Variants in HAPLN1 observed in about 807,000 individuals in gnomAD.
The protein encoded by HAPLN1 is hyaluronan and proteoglycan link protein 1, also known as Cartilage link protein.
Under a neutral mutation model 36.5 loss-of-function variants are expected in HAPLN1, and 13 were observed. The ratio of observed to expected loss-of-function variants is 0.36; its 90% CI spans 0.23 to 0.57. The LOEUF is 0.57. Among genes scored for constraint, HAPLN1 ranks in the 20% least tolerant of loss-of-function variants. The pLI is 0.83. For synonymous variants in HAPLN1, 202 were observed against 169.8 expected (o/e 1.19, Z -1.48); for missense variants, 407 against 439.7 (o/e 0.93, Z 0.66).
chr5:83,695,877 C>T (rs928847790), intron 1 of HAPLN1, among the ~76,000 whole-genome samples: 5 of 151,708 alleles, frequency 3.3e-5, no homozygotes, highest in East Asian at 1.9e-4. Flanking sequence ...CAAGCATTTA[C>T]GTTTTTACCA....
intron 2 of HAPLN1, among the ~76,000 whole-genome samples, chr5:83,667,658 C>G (rs1213006875): frequency 6.6e-6 from 1 of 152,044 alleles, no homozygotes; most frequent in East Asian, 1.9e-4. Flanking sequence ...AAAATTAAGA[C>G]AGAGTAACAT....
intron 2 of HAPLN1, among the ~76,000 whole-genome samples, chr5:83,663,246 G>T (rs1750460115): frequency 6.6e-6 from 1 of 152,140 alleles, no homozygotes; most frequent in African/African-American, 2.4e-5. Context: ...TTCAACAGAG[G>T]CTAGAAATAC....
At chr5:83,657,183 C>T (rs1186668458) in intron 2 of HAPLN1, among the ~76,000 whole-genome samples, 2 of 151,846 alleles carry the variant, frequency 1.3e-5, no homozygotes, top group Non-Finnish European at 2.9e-5. Flanking sequence ...GCAACCACTG[C>T]CTCCCGGGTT....
At chr5:83,680,152 C>T (rs1361658717) in intron 1 of HAPLN1, among the ~76,000 whole-genome samples, 2 of 152,190 alleles carry the variant, frequency 1.3e-5, no homozygotes, top group Non-Finnish European at 2.9e-5. Context: ...GCTCAGGCTG[C>T]TCACTGGCCC....
At chr5:83,687,590 A>G (rs1419664067) in intron 1 of HAPLN1, among the ~76,000 whole-genome samples, 2 of 152,220 alleles carry the variant, frequency 1.3e-5, no homozygotes, top group African/African-American at 2.4e-5. Context: ...ATGTGATGAG[A>G]TACTCAACTT....
At chr5:83,700,670 A>G (rs1162669725) in intron 1 of HAPLN1, among the ~76,000 whole-genome samples, 1 of 136,622 alleles carries the variant, frequency 7.3e-6, no homozygotes, top group South Asian at 2.3e-4. Context: ...TTTTACTTTT[A>G]GGCAGCTAAT....
At chr5:83,677,244 A>G (rs1750881283) in intron 1 of HAPLN1, among the ~76,000 whole-genome samples, 1 of 152,120 alleles carries the variant, frequency 6.6e-6, no homozygotes, top group Non-Finnish European at 1.5e-5. Context: ...CTAGAAGTGG[A>G]GTCTTAGGGT....
intron 2 of HAPLN1, among the ~76,000 whole-genome samples, chr5:83,661,874 T>C (rs1385245354): frequency 6.6e-6 from 1 of 152,218 alleles, no homozygotes; most frequent in African/African-American, 2.4e-5. Flanking sequence ...ATGCAAAAGA[T>C]GCCATGAAAA....
At chr5:83,679,583 C>T (rs1750948963) in intron 1 of HAPLN1, among the ~76,000 whole-genome samples, 1 of 152,056 alleles carries the variant, frequency 6.6e-6, no homozygotes, top group Non-Finnish European at 1.5e-5. Context: ...ATATTTATTA[C>T]ATTATATGAT....
At position 83,718,298 on chromosome 5, in the gene HAPLN1, A is replaced by C. The variant is rs139200203; in HGVS notation, c.-27+2491T>G. The stretch of plus-strand genomic sequence containing the variant: ...AGTTTCTACCCTGAGCACCTATCCC[A>C]ATGTCTGGCGTGTAGTTAATGTTCA... On this transcript the variant is annotated intron_variant, in intron 1 of 4. Coordinates refer to ENST00000274341, the MANE Select transcript of HAPLN1 (RefSeq NM_001884.4). 5.7e-3 allele frequency among the ~76,000 whole-genome samples: 862 copies of C among 152,278 alleles called. 13 individuals are homozygous for C. Among genetic ancestry groups the C allele is most frequent in the African/African-American group, 0.02 (818 of 41,552 alleles).
In HAPLN1 at chr5:83,639,182, C is replaced by T. The variant is rs976507790; in HGVS notation, c.*2314G>A. The T allele has an allele frequency of 1.3e-5, 2 of 152,010 alleles. No homozygotes were observed. Among genetic ancestry groups the T allele is most frequent in the Non-Finnish European group, 2.9e-5 (2 of 67,924 alleles). The allele number at this position is 152,010 out of a possible 1,614,324, so 9.4% of individuals were successfully genotyped here. ...GCAAAATGAGAACATTAAAAAGACT[C>T]ATTCAAGTATGAGTATAAAGGGCAT... On this transcript the variant is annotated 3_prime_UTR_variant, in exon 5 of 5. Transcript: ENST00000274341.
intron 1 of HAPLN1, among the ~76,000 whole-genome samples, chr5:83,709,877 G>A (rs1214216035): frequency 6.6e-6 from 1 of 152,214 alleles, no homozygotes; most frequent in Non-Finnish European, 1.5e-5. Context: ...TTCAGTAAGA[G>A]AGGATGATAA....
intron 1 of HAPLN1, among the ~76,000 whole-genome samples, chr5:83,690,319 C>G (rs10076764): frequency 6.6e-6 from 1 of 151,798 alleles, no homozygotes; most frequent in Non-Finnish European, 1.5e-5. Context: ...ATGAGCCACC[C>G]AAGGCGATCA....
At chr5:83,683,881 C>T (rs1751059721) in intron 1 of HAPLN1, among the ~76,000 whole-genome samples, 1 of 151,918 alleles carries the variant, frequency 6.6e-6, no homozygotes. Context: ...AGATGGACTT[C>T]TAACAGTGTA....
intron 3 of HAPLN1, among the ~76,000 whole-genome samples, chr5:83,651,607 G>A (rs549428282): frequency 4.2e-4 from 11 of 26,072 alleles, no homozygotes; most frequent in African/African-American, 3.9e-3. Flanking sequence ...CTGTCCTCAG[G>A]GGTAAAAGGA....
At chr5:83,713,794 A>G (rs905280823) in intron 1 of HAPLN1, among the ~76,000 whole-genome samples, 5 of 152,222 alleles carry the variant, frequency 3.3e-5, no homozygotes, top group African/African-American at 1.2e-4. Context: ...CTTCTCGTCC[A>G]CATCCAGTCA....
chr5:83,684,274 A>G (rs1400686027), intron 1 of HAPLN1, among the ~76,000 whole-genome samples: 1 of 152,142 alleles, frequency 6.6e-6, no homozygotes, highest in African/African-American at 2.4e-5. Flanking sequence ...ACAATTATCC[A>G]TTGAGAATCC....
chr5:83,663,316 AATC>A (rs1206030399), intron 2 of HAPLN1, among the ~76,000 whole-genome samples: 2 of 152,204 alleles, frequency 1.3e-5, no homozygotes, highest in African/African-American at 4.8e-5. Context: ...AATTTTAAAA[AATC>A]ATATGAGAAA....
At chr5:83,716,924 C>T (rs182625014) in intron 1 of HAPLN1, among the ~76,000 whole-genome samples, 2 of 151,904 alleles carry the variant, frequency 1.3e-5, no homozygotes, top group African/African-American at 2.4e-5. Context: ...CCCAGCTACT[C>T]GAGAGGCTGA....
Sources: gnomAD v4.1 joint callset for allele counts (sites outside exome capture counted in the v4.1 genomes callset) on GRCh38, gnomAD v4.1.1 for gene constraint, MANE v1.5 for transcripts, NCBI Gene and HGNC (gene_info 2026-07-23, HGNC 2026-07-21) for gene names.